The following ACSS2 variants were observed in gnomAD, a reference collection of about 807,000 sequenced individuals.
The protein encoded by ACSS2 is acetyl-coenzyme A synthetase, cytoplasmic.
Under a neutral mutation model 90.6 loss-of-function variants are expected in ACSS2, and 58 were observed. That is an observed-to-expected ratio of 0.64 (90% CI 0.52 to 0.80). ACSS2 has a LOEUF of 0.80. ACSS2 is among the 30% of genes least tolerant of loss of function. The pLI is 0.00. For missense variants in ACSS2, 759 were observed against 912.0 expected (o/e 0.83, Z 2.16); for synonymous variants, 300 against 330.9 (o/e 0.91, Z 1.01).
At chr20:34,921,287 A>G (rs2081189729) in intron 10 of ACSS2, 43 bp from the exon 11 acceptor site, 1 of 1,612,218 alleles carries the variant, frequency 6.2e-7, no homozygotes, top group African/African-American at 1.3e-5. Context: ...TGTGTCTTCC[A>G]GTAGTACTCA....
intron 1 of ACSS2, among the ~76,000 whole-genome samples, chr20:34,879,220 G>C (rs995737086): frequency 6.6e-6 from 1 of 151,684 alleles, no homozygotes; most frequent in African/African-American, 2.4e-5. Flanking sequence ...TTTCTTTTAA[G>C]ACCTCCAGAT....
At chr20:34,875,270 G>A, upstream of ACSS2, 1 of 475,190 alleles carries the variant, frequency 2.1e-6, no homozygotes, top group Non-Finnish European at 4.4e-6. Flanking sequence ...AGATTGTGAA[G>A]GAAAGAAGAG....
At chr20:34,925,505 A>G (rs2081296982) in intron 14 of ACSS2, among the ~76,000 whole-genome samples, 193 bp from the exon 15 acceptor site, 1 of 152,156 alleles carries the variant, frequency 6.6e-6, no homozygotes, top group South Asian at 2.1e-4. Flanking sequence ...AATGAGAAAG[A>G]GGACTGCAGG....
chr20:34,899,144 G>T (rs1011319489), intron 2 of ACSS2, among the ~76,000 whole-genome samples: 1 of 152,164 alleles, frequency 6.6e-6, no homozygotes, highest in Non-Finnish European at 1.5e-5. Context: ...CAGCTGGCCC[G>T]CAAGCTCCGT....
chr20:34,913,602 A>G, intron 4 of ACSS2, 106 bp downstream of exon 4: 2 of 1,294,278 alleles, frequency 1.5e-6, no homozygotes, highest in Non-Finnish European at 2.2e-6. Context: ...TAAGGAGCTT[A>G]GAAGGTTTGT....
Position 34,921,380 on chromosome 20 carries a change from A to G in ACSS2, c.1328A>G (p.Asn443Ser). 6.2e-7 allele frequency: 1 copy of G among 1,614,132 alleles called. No individual in the cohort carries two copies. Among genetic ancestry groups the G allele is most frequent in the Non-Finnish European group, 8.5e-7 (1 of 1,180,022 alleles). The change falls in exon 11 of 18, where the codon AAC (asparagine) becomes AGC (serine). Residue 443 changes from asparagine (N) to serine (S), a missense_variant. Asn to Ser is a conservative substitution (Grantham distance 46). Transcript: ENST00000360596. ...QVLGTVGEPI[N>S]PEAWLWYHRV... is the part of the protein sequence containing the mutation. ...TTAGGCACAGTGGGTGAACCCATCA[A>G]CCCTGAGGCCTGGCTATGGTACCAC...
chr20:34,889,136 T>A (rs189243799), intron 2 of ACSS2, among the ~76,000 whole-genome samples: 2 of 152,008 alleles, frequency 1.3e-5, no homozygotes, highest in East Asian at 1.9e-4. Flanking sequence ...ATTTTATTTT[T>A]TTTTGAGATG....
intron 2 of ACSS2, among the ~76,000 whole-genome samples, chr20:34,899,347 C>T (rs931857112): frequency 3.9e-5 from 6 of 152,226 alleles, no homozygotes; most frequent in African/African-American, 1.2e-4. Context: ...GTGAGGACTG[C>T]CAGCACGCTG....
intron 2 of ACSS2, among the ~76,000 whole-genome samples, chr20:34,885,484 C>T (rs2080170500): frequency 6.6e-6 from 1 of 152,186 alleles, no homozygotes; most frequent in African/African-American, 2.4e-5. Flanking sequence ...ACTAGATCAG[C>T]ATTTTCCAAA....
At chr20:34,918,847 A>G (rs1170750123) in intron 7 of ACSS2, among the ~76,000 whole-genome samples, 2 of 152,228 alleles carry the variant, frequency 1.3e-5, no homozygotes, top group Admixed American at 1.3e-4. Flanking sequence ...ATATGTATGT[A>G]TGTAGACCTG....
In ACSS2 at chr20:34,921,469, G is replaced by A. The variant is rs774042549; in HGVS notation, c.1410+7G>A. On this transcript the variant is annotated splice_region_variant and intron_variant, in intron 11 of 17. Coordinates refer to ENST00000360596, the MANE Select transcript of ACSS2 (RefSeq NM_018677.4). ...CTTCTGGCAAACAGAGACAGTGAGT[G>A]AAGGGTACAGAAGGCTGGGGCCCAG... 6.2e-7 allele frequency: 1 copy of A among 1,614,206 alleles called. No homozygotes were observed. The highest frequency in any genetic ancestry group is 2.2e-5 in the East Asian group (1 of 44,884).
chr20:34,905,829 A>G (rs1055071114), intron 2 of ACSS2, among the ~76,000 whole-genome samples: 1 of 152,098 alleles, frequency 6.6e-6, no homozygotes, highest in African/African-American at 2.4e-5. Context: ...TATCTTTATC[A>G]TATATTTTCT....
In ACSS2 at chr20:34,921,127, A is replaced by T; in HGVS notation, c.1265A>T (p.Glu422Val). 2 of 1,614,154 alleles carry T rather than the reference A, an allele frequency of 1.2e-6. No homozygotes were observed. Among genetic ancestry groups the T allele is most frequent in the Non-Finnish European group, 1.7e-6 (2 of 1,180,032 alleles). ...AIRLLMKFGD[E>V]PVTKHSRASL... Reference sequence around the variant, plus strand: ...CGTCTGCTCATGAAGTTTGGAGATGAGCCTGTCACCAAGTGAGACCTCTTC... The same window carrying T: ...CGTCTGCTCATGAAGTTTGGAGATGTGCCTGTCACCAAGTGAGACCTCTTC... The change falls in exon 10 of 18, where the codon GAG (glutamate) becomes GTG (valine). Residue 422 changes from glutamate to valine, a missense_variant. Coordinates refer to ENST00000360596, the MANE Select transcript of ACSS2 (RefSeq NM_018677.4).
intron 1 of ACSS2, among the ~76,000 whole-genome samples, chr20:34,882,447 C>A (rs887916704): frequency 3.0e-4 from 46 of 151,974 alleles, no homozygotes; most frequent in Non-Finnish European, 5.1e-4. Context: ...CATAGTGAAA[C>A]CCCGTCTCTA....
In ACSS2 at chr20:34,914,156, A is replaced by C. The variant is rs568860603; in HGVS notation, c.704A>C (p.Gln235Pro). ...AAGGAGCTGGCTGACGAGGCCCTGC[A>C]GAAGTGTCAGGAGAAGTAAGTGTGT... Reference protein sequence around the residue: ...NLKELADEALQKCQEKGFPVR... With the variant: ...NLKELADEALPKCQEKGFPVR... The change falls in exon 6 of 18, where the codon CAG becomes CCG. Residue 235 changes from glutamine (Q) to proline (P), a missense_variant. By Grantham distance (76) the Gln-to-Pro change is moderately conservative (BLOSUM62 -1). Coordinates refer to ENST00000360596, the MANE Select transcript of ACSS2 (RefSeq NM_018677.4). The C allele has an allele frequency of 2.5e-6, 4 of 1,614,224 alleles. No individual in the cohort carries two copies. The South Asian group carries it at 4.4e-5, about 18-fold the overall frequency.
Position 34,921,421 on chromosome 20 carries a change from C to G in ACSS2, c.1369C>G (p.Gln457Glu), listed in dbSNP as rs1170749059. ...WLWYHRVVGA[Q>E]RCPIVDTFWQ... The stretch of plus-strand genomic sequence containing the variant: ...ATGGTACCACCGGGTGGTAGGTGCC[C>G]AGCGCTGCCCCATCGTGGACACCTT... Residue 457 changes from glutamine to glutamate, a missense_variant, in exon 11 of 18, where the codon CAG becomes GAG. By Grantham distance (29) the Gln-to-Glu change is conservative. Transcript: ENST00000360596. 1.2e-6 allele frequency: 2 copies of G among 1,614,172 alleles called. No individual in the cohort carries two copies. Among genetic ancestry groups the G allele is most frequent in the Non-Finnish European group, 1.7e-6 (2 of 1,180,022 alleles).
At chr20:34,900,952 C>T (rs1601325846) in intron 2 of ACSS2, among the ~76,000 whole-genome samples, 3 of 152,156 alleles carry the variant, frequency 2.0e-5, no homozygotes, top group African/African-American at 7.2e-5. Context: ...CTGAACTAGA[C>T]ATTTAGACTC....
chr20:34,895,072 T>C (rs2080430770), intron 2 of ACSS2, among the ~76,000 whole-genome samples: 1 of 152,074 alleles, frequency 6.6e-6, no homozygotes, highest in African/African-American at 2.4e-5. Context: ...CATTGAAAAA[T>C]TATTTAGATT....
Position 34,902,904 on chromosome 20 carries a change from T to C in ACSS2, c.375-10192T>C, listed in dbSNP as rs1427004889. ...CCACACCTGGCTATTTTTTTTTTTT[T>C]TTTTTTTTAGTAGAGAGAGCATTTC... On this transcript the variant is annotated intron_variant, in intron 2 of 17. Transcript: ENST00000360596. 8.6e-5 allele frequency among the ~76,000 whole-genome samples: 13 copies of C among 150,790 alleles called. No individual in the cohort carries two copies. The East Asian group carries it at 2.5e-3, about 29-fold the overall frequency.
Sources: gnomAD v4.1 joint callset for allele counts (sites outside exome capture counted in the v4.1 genomes callset) on GRCh38, gnomAD v4.1.1 for gene constraint, MANE v1.5 for transcripts, NCBI Gene and HGNC (gene_info 2026-07-23, HGNC 2026-07-21) for gene names.